The following C3orf18 variants were observed in gnomAD, a reference collection of about 807,000 sequenced individuals.
C3orf18 encodes uncharacterized protein C3orf18.
Under a neutral mutation model 14.1 loss-of-function variants are expected in C3orf18, and 12 were observed. That is an observed-to-expected ratio of 0.85 (90% CI 0.55 to 1.38). The LOEUF is 1.38. C3orf18 is among the 40% of genes most tolerant of loss of function. C3orf18 has a pLI of 0.00. For synonymous variants in C3orf18, 82 were observed against 87.9 expected, an observed-to-expected ratio of 0.93 and a Z score of 0.38; for missense variants, 196 against 213.9, an observed-to-expected ratio of 0.92 and a Z score of 0.52.
chr3:50,559,736 G>C lies in C3orf18; in HGVS notation c.410C>G (p.Thr137Ser), dbSNP rs749708336. ...CAGTGGGCCCTGGGAGGGCAGAGTA[G>C]TCTGCAGGAAGACAGGCAGGGGCAT... ...ATSVQAMQGK[T>S]TLPSQGPLQR... Residue 137 changes from threonine to serine, a missense_variant and splice_region_variant, in exon 6 of 6, where the codon ACT becomes AGT. Transcript: ENST00000357203. 19 of 1,580,842 alleles carry C rather than the reference G, an allele frequency of 1.2e-5. No individual in the cohort carries two copies. In the Admixed American group the frequency reaches 3.4e-4, roughly 28 times the overall value.
At chr3:50,562,548 G>A (rs1700052083) in intron 3 of C3orf18, 1 of 455,518 alleles carries the variant, frequency 2.2e-6, no homozygotes, top group Non-Finnish European at 4.4e-6. Context: ...TTGAGCCCAG[G>A]AGTTCAAGTC....
upstream of C3orf18, chr3:50,571,036 C>T (rs745999257): frequency 7.6e-5 from 97 of 1,269,142 alleles, no homozygotes; most frequent in Middle Eastern, 5.6e-4. Flanking sequence ...TCAGCACTCA[C>T]CTCAGCAGCT....
At chr3:50,567,872 C>T (rs1434823107), upstream of C3orf18, 1 of 152,328 alleles carries the variant, frequency 6.6e-6, no homozygotes, top group Non-Finnish European at 1.5e-5. Context: ...GAGCCTAGAA[C>T]CTGGTCGCAG....
In C3orf18 at chr3:50,565,937, A is replaced by C. The variant is rs772125379; in HGVS notation, c.-163+69T>G. On this transcript the variant is annotated intron_variant, in intron 2 of 5. Coordinates refer to ENST00000357203, the MANE Select transcript of C3orf18 (RefSeq NM_016210.5). The surrounding 1 kb of genome is among the most constrained non-coding windows in gnomAD (Gnocchi z 4.4). ...TGAGATGAAGTCTCTCTAGGTTCTG[A>C]AAGCACTGGGGAGGTAAAGGTTTGA... The C allele has an allele frequency of 3.6e-6, 2 of 552,542 alleles. No individual in the cohort carries two copies. Among genetic ancestry groups the C allele is most frequent in the Non-Finnish European group, 6.5e-6 (2 of 309,428 alleles). The allele number at this position is 552,542 out of a possible 1,614,324, so 34.2% of individuals were successfully genotyped here. A position where few individuals can be genotyped will look rare whatever the true frequency, so the allele number is the denominator to read the frequency against.
intron 5 of C3orf18, among the ~76,000 whole-genome samples, chr3:50,560,619 AT>A (rs1699909297): frequency 6.6e-6 from 1 of 152,182 alleles, no homozygotes; most frequent in South Asian, 2.1e-4. Context: ...AGGATTTTCA[AT>A]TGTGGAAGAG....
In C3orf18 at chr3:50,560,893, G is replaced by A. The variant is rs754381459; in HGVS notation, c.408+24C>T. ...GAGGACAGAGGATGCTGCAGGCGGGGTGGGGAGCCTGGTCAGTGCCCACCT... is the reference window on the plus strand; with the variant it reads ...GAGGACAGAGGATGCTGCAGGCGGGATGGGGAGCCTGGTCAGTGCCCACCT... On this transcript the variant is annotated intron_variant, in intron 5 of 5. Coordinates refer to ENST00000357203, the MANE Select transcript of C3orf18 (RefSeq NM_016210.5). 1.4e-5 allele frequency: 22 copies of A among 1,586,394 alleles called. No homozygotes were observed. In the South Asian group the frequency reaches 2.5e-4, roughly 18 times the overall value.
Position 50,565,440 on chromosome 3 carries a change from CT to C in C3orf18, c.234+25del. On this transcript the variant is annotated intron_variant, in intron 3 of 5. Coordinates refer to ENST00000357203, the MANE Select transcript of C3orf18 (RefSeq NM_016210.5). The surrounding 1 kb of genome is among the most constrained non-coding windows in gnomAD (Gnocchi z 4.4). The stretch of plus-strand genomic sequence containing the variant: ...TCTATAAATCTAAACACTGATTATC[CT>C]CCCCCAGCCTACCCCAGCTCTCACC... 6.5e-7 allele frequency: 1 copy of C among 1,527,740 alleles called. No individual in the cohort carries two copies. Among genetic ancestry groups the C allele is most frequent in the Non-Finnish European group, 9.1e-7 (1 of 1,103,278 alleles). 94.6% of individuals were successfully genotyped at this position (1,527,740 alleles called of 1,614,324 possible).
chr3:50,573,343 T>TA (rs1701229587), upstream of C3orf18, among the ~76,000 whole-genome samples: 1 of 152,246 alleles, frequency 6.6e-6, no homozygotes, highest in Admixed American at 6.5e-5. Flanking sequence ...GGGTGTGGCC[T>TA]GCCACCTGCA....
upstream of C3orf18, among the ~76,000 whole-genome samples, chr3:50,568,360 C>T (rs752193456): frequency 3.9e-5 from 6 of 152,088 alleles, no homozygotes; most frequent in African/African-American, 1.4e-4. Context: ...TGGGAGTCAC[C>T]GGGTAGCCTG....
intron 1 of C3orf18, among the ~76,000 whole-genome samples, chr3:50,566,889 C>T (rs529171505): frequency 6.6e-6 from 1 of 152,262 alleles, no homozygotes; most frequent in Admixed American, 6.5e-5. Flanking sequence ...GAGGTGCCAG[C>T]CAAGCTGCAG....
rs1328892311 is a variant in C3orf18 at position 50,567,460 on chromosome 3, T to C, written c.-252+3A>G. 1 of 152,296 alleles carries C rather than the reference T, an allele frequency of 6.6e-6. No homozygotes were observed. The highest frequency in any genetic ancestry group is 1.9e-4 in the East Asian group (1 of 5,180). 9.4% of individuals were successfully genotyped at this position (152,296 alleles called of 1,614,324 possible). A position where few individuals can be genotyped will look rare whatever the true frequency, so the allele number is the denominator to read the frequency against. On this transcript the variant is annotated splice_donor_region_variant and intron_variant, in intron 1 of 5. Coordinates refer to ENST00000357203, the MANE Select transcript of C3orf18 (RefSeq NM_016210.5). ...GCACAGGAGCAGTGACCTCAGCACT[T>C]ACTTAATCCTCTCCCGGCGCCGAGC...
rs1699817331 is a variant in C3orf18 at position 50,559,079 on chromosome 3, T to C, written c.*578A>G. The C allele has an allele frequency of 1.6e-6, 2 of 1,289,718 alleles. No homozygotes were observed. Among genetic ancestry groups the C allele is most frequent in the Admixed American group, 2.3e-5 (1 of 43,550 alleles). The allele number at this position is 1,289,718 out of a possible 1,614,324, so 79.9% of individuals were successfully genotyped here. ...GAGACCTCCTGGACCCTCCGTAGTA[T>C]GGATGGACCCTGGGTGTGAATTGCC... On this transcript the variant is annotated 3_prime_UTR_variant, in exon 6 of 6. Transcript: ENST00000357203.
At position 50,559,194 on chromosome 3, in the gene C3orf18, T is replaced by C; in HGVS notation, c.*463A>G. On this transcript the variant is annotated 3_prime_UTR_variant, in exon 6 of 6. Transcript: ENST00000357203. The stretch of plus-strand genomic sequence containing the variant: ...AACAGATGCTGCCCTACCCTGTCCC[T>C]ATAACTTGGGTGGTTTCCTCTCCCC... 1 of 1,289,876 alleles carries C rather than the reference T, an allele frequency of 7.8e-7. No homozygotes were observed. The highest frequency in any genetic ancestry group is 1.0e-6 in the Non-Finnish European group (1 of 989,140). 79.9% of individuals were successfully genotyped at this position (1,289,876 alleles called of 1,614,324 possible).
At chr3:50,561,623 C>T (rs543582865) in intron 4 of C3orf18, 99 bp downstream of exon 4, 3 of 1,229,336 alleles carry the variant, frequency 2.4e-6, no homozygotes, top group South Asian at 2.6e-5. Flanking sequence ...CAGGCCTTGA[C>T]TCCCTGATCA....
chr3:50,558,089 A>C lies in C3orf18; in HGVS notation c.*1568T>G, dbSNP rs1699767075. 6.5e-6 allele frequency: 1 copy of C among 153,540 alleles called. No homozygotes were observed. Among genetic ancestry groups the C allele is most frequent in the Admixed American group, 6.5e-5 (1 of 15,410 alleles). The allele number at this position is 153,540 out of a possible 1,614,324, so 9.5% of individuals were successfully genotyped here. ...GTGGAGCTGCTCTGGGTTAAATTAC[A>C]GCTGTATGCATCCTGAATTCCTGGC... On this transcript the variant is annotated 3_prime_UTR_variant, in exon 6 of 6. Coordinates refer to ENST00000357203, the MANE Select transcript of C3orf18 (RefSeq NM_016210.5).
intron 3 of C3orf18, among the ~76,000 whole-genome samples, chr3:50,564,192 T>A (rs966237503): frequency 7.2e-5 from 11 of 152,238 alleles, no homozygotes; most frequent in African/African-American, 2.4e-4. Flanking sequence ...CATCAGAGCC[T>A]GCGAGGAGCA....
upstream of C3orf18, among the ~76,000 whole-genome samples, chr3:50,568,702 G>A (rs1253089338): frequency 2.2e-4 from 29 of 133,486 alleles, no homozygotes; most frequent in African/African-American, 8.1e-4. Context: ...TTCAGCCTGC[G>A]CAACAAGAGC....
At chr3:50,563,696 G>C (rs73835538) in intron 3 of C3orf18, among the ~76,000 whole-genome samples, 4,121 of 152,202 alleles carry the variant, frequency 0.027, 214 homozygotes, top group African/African-American at 0.094. Context: ...AGCACCTCTG[G>C]GCCTGTCTCC....
Position 50,559,187 on chromosome 3 carries a change from CT to C in C3orf18, c.*469del. ...GGCCCATAACAGATGCTGCCCTACC[CT>C]GTCCCTATAACTTGGGTGGTTTCCT... On this transcript the variant is annotated 3_prime_UTR_variant, in exon 6 of 6. Coordinates refer to ENST00000357203, the MANE Select transcript of C3orf18 (RefSeq NM_016210.5). 2 of 1,290,064 alleles carry C rather than the reference CT, an allele frequency of 1.6e-6. No individual in the cohort carries two copies. Among genetic ancestry groups the C allele is most frequent in the Non-Finnish European group, 2.0e-6 (2 of 989,178 alleles). 79.9% of individuals were successfully genotyped at this position (1,290,064 alleles called of 1,614,324 possible).
Sources: allele counts gnomAD v4.1 joint callset (sites outside exome capture counted in the v4.1 genomes callset), GRCh38; gene constraint gnomAD v4.1.1; non-coding constraint Gnocchi (gnomAD v3.1); transcripts MANE v1.5; gene names NCBI Gene and HGNC (gene_info 2026-07-23, HGNC 2026-07-21).